Variants in ZNF804A observed in about 807,000 individuals in gnomAD.
ZNF804A encodes zinc finger protein 804A.
ZNF804A carries 2 observed loss-of-function variants against 16.5 expected under a neutral mutation model. That is an observed-to-expected ratio of 0.12 (90% CI 0.05 to 0.38). The LOEUF (loss-of-function observed/expected upper bound fraction) is 0.38, where lower values mean the gene tolerates loss of function less well. Among genes scored for constraint, ZNF804A ranks in the 10% least tolerant of loss-of-function variants. The pLI is 0.99. For synonymous variants in ZNF804A, 534 were observed against 489.6 expected (o/e 1.09, Z -1.20); for missense variants, 1,473 against 1,390.7 (o/e 1.06, Z -0.94).
chr2:184,793,323 G>A (rs1694580285), intron 1 of ZNF804A, among the ~76,000 whole-genome samples: 2 of 152,086 alleles, frequency 1.3e-5, no homozygotes, highest in African/African-American at 4.8e-5. Flanking sequence ...CAGAAGCTCT[G>A]TTGTAAGTTC....
At chr2:184,782,552 C>A (rs988235128) in intron 1 of ZNF804A, among the ~76,000 whole-genome samples, 1 of 151,534 alleles carries the variant, frequency 6.6e-6, no homozygotes, top group Non-Finnish European at 1.5e-5. Context: ...TTAGACTCCA[C>A]GTTCTTCAGT....
In ZNF804A at chr2:184,937,682, G is replaced by A. The variant is rs1261022757; in HGVS notation, c.2286G>A (p.Met762Ile). Residue 762 changes from methionine to isoleucine, a missense_variant, in exon 4 of 4, where the codon ATG becomes ATA. Met to Ile is a conservative substitution (Grantham distance 10, BLOSUM62 1). Coordinates refer to ENST00000302277, the MANE Select transcript of ZNF804A (RefSeq NM_194250.2). ...TTAAAAGAGGTTACAATTCTGTCATGAATGAATCAGAAAGATTCTATCGAA... is the reference window on the plus strand; with the variant it reads ...TTAAAAGAGGTTACAATTCTGTCATAAATGAATCAGAAAGATTCTATCGAA... ...QAVKRGYNSV[M>I]NESERFYRKR... 1 of 1,614,050 alleles carries A rather than the reference G, an allele frequency of 6.2e-7. No individual in the cohort carries two copies. Among genetic ancestry groups the A allele is most frequent in the Admixed American group, 1.7e-5 (1 of 59,990 alleles).
chr2:184,897,618 T>C (rs1257219075), intron 2 of ZNF804A, among the ~76,000 whole-genome samples: 1 of 152,122 alleles, frequency 6.6e-6, no homozygotes, highest in African/African-American at 2.4e-5. Flanking sequence ...GGGAATTTGA[T>C]CTTTCTCCAA....
intron 1 of ZNF804A, among the ~76,000 whole-genome samples, chr2:184,745,510 A>G (rs1285254668): frequency 2.0e-5 from 3 of 151,690 alleles, no homozygotes; most frequent in African/African-American, 4.8e-5. Flanking sequence ...TGTAATTATC[A>G]CTATCCTTCA....
intron 1 of ZNF804A, among the ~76,000 whole-genome samples, chr2:184,838,265 A>G (rs1031681782): frequency 2.0e-5 from 3 of 152,124 alleles, no homozygotes; most frequent in Non-Finnish European, 2.9e-5. Context: ...ACAGCATAGC[A>G]TTAAAACTAG....
chr2:184,763,556 T>G (rs1352628447), intron 1 of ZNF804A, among the ~76,000 whole-genome samples: 1 of 150,822 alleles, frequency 6.6e-6, no homozygotes, highest in Non-Finnish European at 1.5e-5. Context: ...GGCCATTAAT[T>G]TATTTCTCTG....
At chr2:184,762,869 T>C (rs1464602068) in intron 1 of ZNF804A, among the ~76,000 whole-genome samples, 2 of 152,100 alleles carry the variant, frequency 1.3e-5, no homozygotes, top group African/African-American at 2.4e-5. Flanking sequence ...AAGAGAATAA[T>C]ATAACAAATA....
chr2:184,739,641 C>A (rs1693683629), intron 1 of ZNF804A, among the ~76,000 whole-genome samples: 1 of 152,182 alleles, frequency 6.6e-6, no homozygotes, highest in Non-Finnish European at 1.5e-5. Flanking sequence ...ATCCTCCAGC[C>A]TCGGCCTCCC....
At chr2:184,606,694 G>A (rs529496143) in intron 1 of ZNF804A, among the ~76,000 whole-genome samples, 1 of 152,238 alleles carries the variant, frequency 6.6e-6, no homozygotes, top group East Asian at 1.9e-4. Context: ...GAGCCTTTCT[G>A]GAGAAAAAAT....
At chr2:184,682,732 C>T (rs1208136922) in intron 1 of ZNF804A, among the ~76,000 whole-genome samples, 2 of 152,100 alleles carry the variant, frequency 1.3e-5, no homozygotes, top group Admixed American at 6.5e-5. Context: ...GGGTTTCCAC[C>T]CCCGGTAAGT....
At chr2:184,900,336 G>A (rs72907747) in intron 2 of ZNF804A, among the ~76,000 whole-genome samples, 7,663 of 152,142 alleles carry the variant, frequency 0.05, 254 homozygotes, top group Middle Eastern at 0.078. Flanking sequence ...GAAATGCTGC[G>A]TATCAATGGT....
chr2:184,910,970 C>T (rs7590456), intron 2 of ZNF804A, among the ~76,000 whole-genome samples: 1 of 151,878 alleles, frequency 6.6e-6, no homozygotes, highest in Admixed American at 6.6e-5. Flanking sequence ...TGCAGAAGCT[C>T]TTTATTTTAA....
rs531742881 is a variant in ZNF804A at position 184,783,552 on chromosome 2, G to A, written c.112-82817G>A. 1.1e-3 allele frequency among the ~76,000 whole-genome samples: 166 copies of A among 151,988 alleles called. 2 individuals are homozygous for A. Among genetic ancestry groups the A allele is most frequent in the African/African-American group, 3.8e-3 (158 of 41,516 alleles). Reference sequence around the variant, plus strand: ...TGGATGCACTTAAATTTGGAAATGAGTCTCTTTCTGTCTCAGTCACTTTTC... The same window carrying A: ...TGGATGCACTTAAATTTGGAAATGAATCTCTTTCTGTCTCAGTCACTTTTC... On this transcript the variant is annotated intron_variant, in intron 1 of 3. Transcript: ENST00000302277.
chr2:184,751,962 T>C (rs1446877198), intron 1 of ZNF804A, among the ~76,000 whole-genome samples: 1 of 151,672 alleles, frequency 6.6e-6, no homozygotes. Context: ...ATAGCTTTTT[T>C]AAAAAAATCA....
chr2:184,871,415 CAA>C (rs71407821), intron 2 of ZNF804A, among the ~76,000 whole-genome samples: 7 of 105,746 alleles, frequency 6.6e-5, no homozygotes, highest in Non-Finnish European at 8.2e-5. Context: ...ATTACTCCAG[CAA>C]AAAAAAAAAA....
chr2:184,605,084 A>G (rs546835295), intron 1 of ZNF804A, among the ~76,000 whole-genome samples: 2 of 152,264 alleles, frequency 1.3e-5, no homozygotes, highest in African/African-American at 4.8e-5. Flanking sequence ...ATGGTTTATT[A>G]AAAGTATTAT....
intron 1 of ZNF804A, among the ~76,000 whole-genome samples, chr2:184,615,223 C>T (rs572803315): frequency 2.8e-4 from 42 of 152,288 alleles, no homozygotes; most frequent in Non-Finnish European, 5.1e-4. Flanking sequence ...AGGATTAGTT[C>T]ATGCCCTTTG....
At chr2:184,712,849 T>A (rs1693151012) in intron 1 of ZNF804A, among the ~76,000 whole-genome samples, 1 of 151,760 alleles carries the variant, frequency 6.6e-6, no homozygotes, top group Non-Finnish European at 1.5e-5. Flanking sequence ...CTCCAGAGTT[T>A]CTCTTTGCTT....
Position 184,736,256 on chromosome 2 carries a change from A to G in ZNF804A, c.112-130113A>G, listed in dbSNP as rs541203726. Among the ~76,000 whole-genome samples the G allele has an allele frequency of 1.3e-3, 200 of 152,286 alleles. 2 individuals are homozygous for G. The highest frequency in any genetic ancestry group is 4.4e-3 in the African/African-American group (181 of 41,568). On this transcript the variant is annotated intron_variant, in intron 1 of 3. Transcript: ENST00000302277. Reference sequence around the variant, plus strand: ...CCAATTTCTTAGGCTAGCAGTAGGGAGACAATTTTGTCTACTGCCCTTTCT... The same window carrying G: ...CCAATTTCTTAGGCTAGCAGTAGGGGGACAATTTTGTCTACTGCCCTTTCT...
Sources: allele counts gnomAD v4.1 joint callset (sites outside exome capture counted in the v4.1 genomes callset), GRCh38; gene constraint gnomAD v4.1.1; transcripts MANE v1.5; gene names NCBI Gene and HGNC (gene_info 2026-07-23, HGNC 2026-07-21).